The following SLC12A8 variants were observed in gnomAD, a reference collection of about 807,000 sequenced individuals.
SLC12A8 encodes the protein solute carrier family 12 member 8.
SLC12A8 carries 69 observed loss-of-function variants against 75.6 expected under a neutral mutation model. The ratio of observed to expected loss-of-function variants is 0.91; its 90% CI spans 0.75 to 1.11. SLC12A8 has a LOEUF of 1.11. Ranked by LOEUF, SLC12A8 falls within the 50% of genes most tolerant of loss-of-function variation. The probability of loss-of-function intolerance (pLI) is 0.00; values close to 1 mark genes in which losing one functional copy is unlikely to be tolerated. For synonymous variants in SLC12A8, 365 were observed against 372.8 expected (o/e 0.98, Z 0.24); for missense variants, 877 against 896.7 (o/e 0.98, Z 0.28).
intron 7 of SLC12A8, among the ~76,000 whole-genome samples, chr3:125,120,081 C>T (rs1933012942): frequency 2.0e-5 from 3 of 152,146 alleles, no homozygotes; most frequent in Non-Finnish European, 4.4e-5. Flanking sequence ...CCTTCTCTCC[C>T]CGCCGCAATC....
intron 5 of SLC12A8, among the ~76,000 whole-genome samples, chr3:125,163,044 C>T (rs980007459): frequency 2.6e-5 from 4 of 152,160 alleles, no homozygotes; most frequent in African/African-American, 7.2e-5. Context: ...TGGCTCATGC[C>T]TATAATCCCA....
chr3:125,135,644 TA>T, intron 6 of SLC12A8, 24 bp downstream of exon 6: 2 of 1,497,938 alleles, frequency 1.3e-6, no homozygotes, highest in Admixed American at 2.0e-5. Flanking sequence ...AATTTGAGAG[TA>T]AAAAAGAACC....
intron 10 of SLC12A8, among the ~76,000 whole-genome samples, chr3:125,102,407 T>C (rs1457841244): frequency 6.6e-6 from 1 of 152,184 alleles, no homozygotes; most frequent in Non-Finnish European, 1.5e-5. Flanking sequence ...CGAAGAACCT[T>C]GCATCGTACA....
intron 5 of SLC12A8, among the ~76,000 whole-genome samples, chr3:125,146,525 C>A (rs908468914): frequency 3.3e-5 from 5 of 152,224 alleles, no homozygotes; most frequent in African/African-American, 4.8e-5. Flanking sequence ...CAGCACCCTC[C>A]CCAGGGATCC....
chr3:125,151,044 C>G (rs1162663858), intron 5 of SLC12A8: 1 of 152,220 alleles, frequency 6.6e-6, no homozygotes, highest in Non-Finnish European at 1.5e-5. Context: ...TATGGCACTT[C>G]AAGCCCAAGG....
At chr3:125,097,953 C>T (rs1938758202) in intron 10 of SLC12A8, among the ~76,000 whole-genome samples, 1 of 152,082 alleles carries the variant, frequency 6.6e-6, no homozygotes, top group South Asian at 2.1e-4. Flanking sequence ...GTTAAAAATG[C>T]TACACATAAC....
chr3:125,161,759 G>T (rs901914559), intron 5 of SLC12A8, among the ~76,000 whole-genome samples: 2 of 151,816 alleles, frequency 1.3e-5, no homozygotes, highest in Admixed American at 1.3e-4. Context: ...GTGGGCATTC[G>T]CAGACAAAGC....
chr3:125,118,807 G>A lies in SLC12A8; in HGVS notation c.874C>T (p.Arg292Ter), dbSNP rs376676227. ...FVFLLGAICT[R>*]EALRYDFLIA... ...AGGAAGTCATAGCGAAGGGCCTCTCGAGTGCAGATGGCGCCCAGGAGGAAG... is the reference window on the plus strand; with the variant it reads ...AGGAAGTCATAGCGAAGGGCCTCTCAAGTGCAGATGGCGCCCAGGAGGAAG... The change falls in exon 8 of 14, where the codon CGA (arginine) becomes TGA (stop). Residue 292 changes from arginine (R) to a stop codon, truncating the protein, a stop_gained. Coordinates refer to ENST00000469902, the MANE Select transcript of SLC12A8 (RefSeq NM_024628.6). LOFTEE classifies it high-confidence loss of function. 1.1e-5 allele frequency: 17 copies of A among 1,613,814 alleles called. No homozygotes were observed. Among genetic ancestry groups the A allele is most frequent in the East Asian group, 4.5e-5 (2 of 44,874 alleles).
intron 3 of SLC12A8, among the ~76,000 whole-genome samples, chr3:125,188,241 G>T (rs572125827): frequency 1.3e-5 from 2 of 152,130 alleles, no homozygotes; most frequent in African/African-American, 4.8e-5. Context: ...TACGTGGCAC[G>T]CTGCTCCCTC....
chr3:125,166,704 A>T (rs1285326442), intron 5 of SLC12A8, among the ~76,000 whole-genome samples: 1 of 152,250 alleles, frequency 6.6e-6, no homozygotes, highest in Non-Finnish European at 1.5e-5. Flanking sequence ...CACGAAGAAC[A>T]GTTAAAATGA....
At chr3:125,198,917 A>AC (rs1935060484) in intron 2 of SLC12A8, among the ~76,000 whole-genome samples, 1 of 151,662 alleles carries the variant, frequency 6.6e-6, no homozygotes, top group African/African-American at 2.4e-5. Context: ...AGCTGAGACT[A>AC]CAGGCACCCG....
intron 10 of SLC12A8, among the ~76,000 whole-genome samples, chr3:125,099,568 C>T (rs753881909): frequency 6.6e-5 from 10 of 151,918 alleles, no homozygotes; most frequent in Admixed American, 2.0e-4. Context: ...TTAAAGAAAA[C>T]GATAATGTTA....
intron 5 of SLC12A8, among the ~76,000 whole-genome samples, chr3:125,142,373 T>C (rs1933670869): frequency 6.6e-6 from 1 of 152,180 alleles, no homozygotes; most frequent in Non-Finnish European, 1.5e-5. Context: ...GTTTTTCTTC[T>C]GGGAGCTGCA....
At chr3:125,150,182 T>C (rs866292660) in intron 5 of SLC12A8, among the ~76,000 whole-genome samples, 18 of 152,300 alleles carry the variant, frequency 1.2e-4, no homozygotes, top group African/African-American at 3.8e-4. Flanking sequence ...AACACCTCAA[T>C]TGCCAGATGA....
chr3:125,162,456 C>T (rs1044188209), intron 5 of SLC12A8, among the ~76,000 whole-genome samples: 6 of 152,182 alleles, frequency 3.9e-5, no homozygotes, highest in South Asian at 2.1e-4. Context: ...CCTTAGATCA[C>T]GTCACCAGAG....
chr3:125,122,615 C>T (rs530837242), intron 6 of SLC12A8, among the ~76,000 whole-genome samples: 2 of 152,280 alleles, frequency 1.3e-5, no homozygotes, highest in Admixed American at 6.5e-5. Flanking sequence ...TCTCAATACA[C>T]TGAGGAAAAC....
intron 5 of SLC12A8, chr3:125,154,847 TGATAAAAC>T (rs1934011541): frequency 6.6e-6 from 1 of 152,214 alleles, no homozygotes; most frequent in Non-Finnish European, 1.5e-5. Context: ...TGATGTAAGA[TGATAAAAC>T]GCCTACGTGA....
intron 5 of SLC12A8, among the ~76,000 whole-genome samples, chr3:125,175,908 T>C (rs920132283): frequency 2.6e-5 from 4 of 152,046 alleles, no homozygotes; most frequent in South Asian, 2.1e-4. Flanking sequence ...TGCCGGATCG[T>C]TGGGGCATCT....
intron 4 of SLC12A8, among the ~76,000 whole-genome samples, chr3:125,182,769 G>T (rs62265746): frequency 6.6e-6 from 1 of 152,090 alleles, no homozygotes. Flanking sequence ...GCCTCCCAAA[G>T]TTCTGGGATT....
Sources: gnomAD v4.1 joint callset for allele counts (sites outside exome capture counted in the v4.1 genomes callset) on GRCh38, gnomAD v4.1.1 for gene constraint, MANE v1.5 for transcripts, NCBI Gene and HGNC (gene_info 2026-07-23, HGNC 2026-07-21) for gene names.